Variants in VSNL1 observed in about 807,000 individuals in gnomAD.
VSNL1 encodes visinin-like protein 1.
Under a neutral mutation model 20.4 loss-of-function variants are expected in VSNL1, and 6 were observed. That is an observed-to-expected ratio of 0.29 (90% CI 0.16 to 0.58). The LOEUF is 0.58. Among genes scored for constraint, VSNL1 ranks in the 20% least tolerant of loss-of-function variants. The probability of loss-of-function intolerance (pLI) is 0.90; values close to 1 mark genes in which losing one functional copy is unlikely to be tolerated. For synonymous variants in VSNL1, 93 were observed against 86.4 expected, an observed-to-expected ratio of 1.08 and a Z score of -0.42; for missense variants, 100 against 234.5, an observed-to-expected ratio of 0.43 and a Z score of 3.75.
chr2:17,612,095 C>T (rs1558299742), intron 2 of VSNL1, among the ~76,000 whole-genome samples: 1 of 152,192 alleles, frequency 6.6e-6, no homozygotes, highest in South Asian at 2.1e-4. Context: ...CACACATGCA[C>T]GTGCCTATGC....
At chr2:17,576,285 T>C (rs1417999986) in intron 1 of VSNL1, among the ~76,000 whole-genome samples, 2 of 152,228 alleles carry the variant, frequency 1.3e-5, no homozygotes, top group Admixed American at 6.5e-5. Flanking sequence ...ACTCAGTTAA[T>C]GTGCCATGAT....
At chr2:17,547,927 A>C (rs979321314) in intron 1 of VSNL1, among the ~76,000 whole-genome samples, 2 of 152,074 alleles carry the variant, frequency 1.3e-5, no homozygotes, top group African/African-American at 4.8e-5. Flanking sequence ...TCAATAAAAA[A>C]CGTTTCAGGA....
chr2:17,574,429 C>G (rs899610531), intron 1 of VSNL1, among the ~76,000 whole-genome samples: 12 of 152,210 alleles, frequency 7.9e-5, no homozygotes, highest in African/African-American at 2.9e-4. Flanking sequence ...ATATTTTAAA[C>G]TGTGCTTTCT....
intron 2 of VSNL1, among the ~76,000 whole-genome samples, chr2:17,648,417 C>T (rs1021533269): frequency 6.6e-6 from 1 of 152,206 alleles, no homozygotes; most frequent in Non-Finnish European, 1.5e-5. Flanking sequence ...ACCTGGTCCA[C>T]TTAGCAGGTG....
chr2:17,643,014 G>A (rs757411797), intron 2 of VSNL1, among the ~76,000 whole-genome samples: 2 of 151,978 alleles, frequency 1.3e-5, no homozygotes, highest in Non-Finnish European at 2.9e-5. Flanking sequence ...GAGGGTGGGG[G>A]TGGGCGAGGG....
At position 17,649,376 on chromosome 2, in the gene VSNL1, C is replaced by T. The variant is rs1395109800; in HGVS notation, c.163-34C>T. On this transcript the variant is annotated intron_variant, in intron 2 of 3. Coordinates refer to ENST00000295156, the MANE Select transcript of VSNL1 (RefSeq NM_003385.5). The surrounding 1 kb of genome is among the most constrained non-coding windows in gnomAD (Gnocchi z 6.4). The stretch of plus-strand genomic sequence containing the variant: ...CCTCGTCGCCCCGATTCCATCCCCT[C>T]CCGACACCTGACTGCGCGTGTTCTC... 1.9e-6 allele frequency: 3 copies of T among 1,608,844 alleles called. No homozygotes were observed. Among genetic ancestry groups the T allele is most frequent in the Non-Finnish European group, 2.6e-6 (3 of 1,175,272 alleles).
intron 1 of VSNL1, among the ~76,000 whole-genome samples, chr2:17,549,208 G>A (rs1314806199): frequency 6.6e-6 from 1 of 152,204 alleles, no homozygotes; most frequent in East Asian, 1.9e-4. Context: ...ATAAATGGCA[G>A]AAGAGGGAGG....
intron 1 of VSNL1, among the ~76,000 whole-genome samples, chr2:17,584,302 T>C (rs1664417767): frequency 6.6e-6 from 1 of 152,040 alleles, no homozygotes; most frequent in African/African-American, 2.4e-5. Flanking sequence ...AGTCATAGAA[T>C]AGCACCTGGG....
intron 3 of VSNL1, among the ~76,000 whole-genome samples, chr2:17,653,448 CTT>C (rs1410272969): frequency 6.6e-6 from 1 of 152,198 alleles, no homozygotes; most frequent in Non-Finnish European, 1.5e-5. Flanking sequence ...CCATTTGTCT[CTT>C]TTTAAATTCC....
intron 2 of VSNL1, among the ~76,000 whole-genome samples, chr2:17,610,977 G>A (rs1352891332): frequency 6.6e-6 from 1 of 152,146 alleles, no homozygotes. Flanking sequence ...TAAAGGAAAG[G>A]GAAAAAGAAG....
intron 1 of VSNL1, among the ~76,000 whole-genome samples, chr2:17,543,618 G>C (rs905143678): frequency 3.3e-5 from 5 of 152,226 alleles, no homozygotes; most frequent in African/African-American, 1.2e-4. Flanking sequence ...CAGAAAGACC[G>C]AAGAAGGCTT....
At chr2:17,628,202 A>T (rs1329349611) in intron 2 of VSNL1, among the ~76,000 whole-genome samples, 1 of 152,264 alleles carries the variant, frequency 6.6e-6, no homozygotes, top group Non-Finnish European at 1.5e-5. Flanking sequence ...AGTGTGAGTT[A>T]TTGAGGACAG....
chr2:17,624,192 T>C (rs566959814), intron 2 of VSNL1, among the ~76,000 whole-genome samples: 48 of 152,334 alleles, frequency 3.2e-4, no homozygotes, highest in African/African-American at 1.0e-3. Flanking sequence ...TGATTTTGGC[T>C]GATCAATTTC....
At chr2:17,627,173 A>G (rs1665530945) in intron 2 of VSNL1, among the ~76,000 whole-genome samples, 1 of 152,210 alleles carries the variant, frequency 6.6e-6, no homozygotes, top group Admixed American at 6.5e-5. Context: ...AGGAGGTAAG[A>G]TAAGCAACCC....
intron 1 of VSNL1, among the ~76,000 whole-genome samples, chr2:17,570,220 T>C (rs1304896420): frequency 6.6e-6 from 1 of 152,152 alleles, no homozygotes; most frequent in Non-Finnish European, 1.5e-5. Flanking sequence ...AGCTTTTTAG[T>C]TTTTGCTGTG....
intron 1 of VSNL1, among the ~76,000 whole-genome samples, chr2:17,562,939 G>A (rs1360762656): frequency 6.6e-6 from 1 of 152,048 alleles, no homozygotes; most frequent in Non-Finnish European, 1.5e-5. Context: ...AACCCTACTA[G>A]TCTTATCACC....
Position 17,552,782 on chromosome 2 carries a change from G to A in VSNL1, c.-6+11864G>A, listed in dbSNP as rs186053904. ...TTATTTGAATCAGGGTGCCAATTAA[G>A]TCTATACATCCCAGTTGTTGAAAAG... is the stretch of plus-strand genomic sequence containing the variant. On this transcript the variant is annotated intron_variant, in intron 1 of 3. Coordinates refer to ENST00000295156, the MANE Select transcript of VSNL1 (RefSeq NM_003385.5). Among the ~76,000 whole-genome samples the A allele has an allele frequency of 9.9e-4, 150 of 152,118 alleles. 4 individuals carry two copies. The East Asian group carries it at 0.026, about 27-fold the overall frequency.
chr2:17,575,915 CATTCA>C (rs1164713758), intron 1 of VSNL1, among the ~76,000 whole-genome samples: 5 of 152,142 alleles, frequency 3.3e-5, no homozygotes, highest in Non-Finnish European at 7.3e-5. Flanking sequence ...CTCTATTTAA[CATTCA>C]CTTGTTACCA....
chr2:17,630,220 C>G (rs1450927147), intron 2 of VSNL1, among the ~76,000 whole-genome samples: 1 of 152,210 alleles, frequency 6.6e-6, no homozygotes, highest in African/African-American at 2.4e-5. Context: ...AGGGTTTCAC[C>G]ATGGACCCAC....
Sources: gnomAD v4.1 joint callset for allele counts (sites outside exome capture counted in the v4.1 genomes callset) on GRCh38, gnomAD v4.1.1 for gene constraint, Gnocchi (gnomAD v3.1) non-coding constraint, MANE v1.5 for transcripts, NCBI Gene and HGNC (gene_info 2026-07-23, HGNC 2026-07-21) for gene names.